Variants in LIMS1 observed in about 807,000 individuals in gnomAD.
LIMS1 encodes LIM and senescent cell antigen-like-containing domain protein 1.
Under a neutral mutation model 44.1 loss-of-function variants are expected in LIMS1, and 18 were observed. That is an observed-to-expected ratio of 0.41 (90% CI 0.28 to 0.61). The LOEUF (loss-of-function observed/expected upper bound fraction) is 0.61, where lower values mean the gene tolerates loss of function less well. LIMS1 is among the 20% of genes least tolerant of loss of function. LIMS1 has a pLI of 0.32. For missense variants in LIMS1, 201 were observed against 422.0 expected, an observed-to-expected ratio of 0.48 and a Z score of 4.59; for synonymous variants, 93 against 149.1, an observed-to-expected ratio of 0.62 and a Z score of 2.74.
At chr2:108,586,362 G>T (rs1358818282) in intron 1 of LIMS1, among the ~76,000 whole-genome samples, 1 of 152,180 alleles carries the variant, frequency 6.6e-6, no homozygotes, top group Admixed American at 6.5e-5. Context: ...AAGGAAAGTG[G>T]CTGTCTGGAT....
chr2:108,618,117 G>A (rs1449591974), intron 1 of LIMS1, among the ~76,000 whole-genome samples: 2 of 152,162 alleles, frequency 1.3e-5, no homozygotes, highest in East Asian at 1.9e-4. Flanking sequence ...ATGAGGCCAT[G>A]GGGAAAATGA....
intron 1 of LIMS1, among the ~76,000 whole-genome samples, chr2:108,553,554 T>TGTC: frequency 6.6e-6 from 1 of 152,236 alleles, no homozygotes; most frequent in East Asian, 1.9e-4. Context: ...TCATTAGAAA[T>TGTC]AATGATAGTT....
At chr2:108,619,489 G>A (rs1025276275) in intron 1 of LIMS1, among the ~76,000 whole-genome samples, 8 of 151,970 alleles carry the variant, frequency 5.3e-5, no homozygotes, top group South Asian at 4.2e-4. Flanking sequence ...TTCGAGACCA[G>A]CCTGGCCAAC....
intron 2 of LIMS1, among the ~76,000 whole-genome samples, chr2:108,669,304 A>G (rs1339131170): frequency 6.6e-6 from 1 of 152,068 alleles, no homozygotes; most frequent in Non-Finnish European, 1.5e-5. Context: ...GCTACTCAGG[A>G]GGCTGAGGCA....
intron 1 of LIMS1, among the ~76,000 whole-genome samples, chr2:108,618,663 A>G (rs570794063): frequency 6.6e-6 from 1 of 152,098 alleles, no homozygotes; most frequent in Non-Finnish European, 1.5e-5. Context: ...CATCTCTACT[A>G]AAATACAAAA....
chr2:108,661,387 A>G (rs1691358832), intron 2 of LIMS1, among the ~76,000 whole-genome samples: 1 of 148,730 alleles, frequency 6.7e-6, no homozygotes, highest in African/African-American at 2.5e-5. Flanking sequence ...TGCTCTATGT[A>G]TCTTCTTACA....
chr2:108,652,310 G>T (rs1220438537), intron 1 of LIMS1, among the ~76,000 whole-genome samples: 2 of 152,290 alleles, frequency 1.3e-5, no homozygotes, highest in Non-Finnish European at 2.9e-5. Flanking sequence ...CCTTCAGCGG[G>T]TGAACAGTGA....
At chr2:108,534,406 C>T (rs890877838) in exon 1 of LIMS1, 17 of 378,528 alleles carry the variant, frequency 4.5e-5, no homozygotes, top group Middle Eastern at 9.2e-4. Flanking sequence ...TCGCCTTCCC[C>T]CCCCTCCCGC....
chr2:108,603,697 C>G (rs1438498694), intron 1 of LIMS1, among the ~76,000 whole-genome samples: 1 of 151,852 alleles, frequency 6.6e-6, no homozygotes, highest in African/African-American at 2.4e-5. Context: ...AAATGATCTG[C>G]CTGCTTTGGC....
At chr2:108,668,098 G>T (rs1158646862) in intron 2 of LIMS1, among the ~76,000 whole-genome samples, 1 of 151,922 alleles carries the variant, frequency 6.6e-6, no homozygotes, top group African/African-American at 2.4e-5. Flanking sequence ...TTACACACAT[G>T]GGGCACAGTG....
At chr2:108,654,570 T>C (rs1014814635) in intron 1 of LIMS1, among the ~76,000 whole-genome samples, 5 of 151,902 alleles carry the variant, frequency 3.3e-5, no homozygotes, top group Non-Finnish European at 7.4e-5. Context: ...CCAGGCAGGG[T>C]TCAAATGCTC....
chr2:108,572,953 C>T (rs573624954), intron 1 of LIMS1, among the ~76,000 whole-genome samples: 1 of 152,294 alleles, frequency 6.6e-6, no homozygotes, highest in South Asian at 2.1e-4. Flanking sequence ...TGCTGTTCCG[C>T]AGCTTCCTGG....
exon 10 of LIMS1, chr2:108,684,115 A>G (rs1157237754): frequency 7.4e-6 from 4 of 542,566 alleles, no homozygotes; most frequent in Non-Finnish European, 9.9e-6. Context: ...ACCTATATGA[A>G]TGGTTTTATG....
chr2:108,578,572 C>A (rs916433547), intron 1 of LIMS1, among the ~76,000 whole-genome samples: 3 of 148,634 alleles, frequency 2.0e-5, no homozygotes, highest in African/African-American at 7.4e-5. Flanking sequence ...TGTCTTAGTT[C>A]ATGGAATGTA....
At chr2:108,662,515 G>C (rs700880) in intron 2 of LIMS1, 1 of 1,304,440 alleles carries the variant, frequency 7.7e-7, no homozygotes, top group Admixed American at 3.0e-5. Flanking sequence ...TTCAAGATCT[G>C]TTGGGTCCTG....
chr2:108,671,313 C>G lies in LIMS1; in HGVS notation c.259+466C>G, dbSNP rs1692147069. On this transcript the variant is annotated intron_variant, in intron 3 of 9. Transcript: ENST00000544547. ...TTCCCTATTGTTAACATAGAACAAG[C>G]TGGAGGAGTATCAAAACCTAGAGAT... is the stretch of plus-strand genomic sequence containing the variant. Among the ~76,000 whole-genome samples the G allele has an allele frequency of 3.3e-5, 5 of 151,980 alleles. No individual in the cohort carries two copies. The South Asian group carries it at 6.3e-4, about 19-fold the overall frequency.
chr2:108,636,068 A>G (rs1452036730), intron 1 of LIMS1, among the ~76,000 whole-genome samples: 2 of 152,220 alleles, frequency 1.3e-5, no homozygotes, highest in Non-Finnish European at 2.9e-5. Context: ...GGAATTGGCT[A>G]GTAAGAGGAG....
At chr2:108,641,839 C>T (rs987311014) in intron 1 of LIMS1, among the ~76,000 whole-genome samples, 1 of 152,160 alleles carries the variant, frequency 6.6e-6, no homozygotes, top group African/African-American at 2.4e-5. Flanking sequence ...TTCTCACTGT[C>T]TGTTGAAAGA....
chr2:108,551,762 T>C, intron 1 of LIMS1, among the ~76,000 whole-genome samples: 1 of 146,716 alleles, frequency 6.8e-6, no homozygotes, highest in East Asian at 2.0e-4. Context: ...CATACCTATG[T>C]ATATTGTATA....
Sources: allele counts gnomAD v4.1 joint callset (sites outside exome capture counted in the v4.1 genomes callset), GRCh38; gene constraint gnomAD v4.1.1; transcripts MANE v1.5; gene names NCBI Gene and HGNC (gene_info 2026-07-23, HGNC 2026-07-21).